RYR2: variants seen among roughly 807,000 people sequenced by gnomAD.
The protein encoded by RYR2 is cardiac muscle ryanodine receptor-calcium release channel.
Under a neutral mutation model 601.1 loss-of-function variants are expected in RYR2, and 227 were observed. That is an observed-to-expected ratio of 0.38 (90% CI 0.34 to 0.42). The LOEUF is 0.42. Ranked by LOEUF, RYR2 falls within the 10% of genes least tolerant of loss-of-function variation. The pLI is 1.00. For synonymous variants in RYR2, 2,223 were observed against 2,175.1 expected (o/e 1.02, Z -0.61); for missense variants, 4,646 against 6,156.5 (o/e 0.75, Z 8.21).
intron 29 of RYR2, among the ~76,000 whole-genome samples, chr1:237,582,923 G>GATATATATAT (rs71180101): frequency 0.29 from 38,361 of 132,614 alleles, 6,036 homozygotes; most frequent in Non-Finnish European, 0.37. Flanking sequence ...TTTTCTTTTG[G>GATATATATAT]ATATATATAT....
chr1:237,654,467 C>T (rs1683055548), intron 52 of RYR2, 53 bp downstream of exon 52: 2 of 1,562,818 alleles, frequency 1.3e-6, no homozygotes, highest in South Asian at 1.1e-5. Flanking sequence ...TATAGAGCCA[C>T]ACATTCTTAG....
intron 2 of RYR2, among the ~76,000 whole-genome samples, chr1:237,281,450 C>T (rs1415158485): frequency 1.3e-5 from 2 of 152,186 alleles, no homozygotes; most frequent in East Asian, 3.9e-4. Context: ...AAGAGATCTC[C>T]ATTAATTATA....
chr1:237,708,579 G>C (rs1281499851), intron 68 of RYR2, among the ~76,000 whole-genome samples: 3 of 152,168 alleles, frequency 2.0e-5, no homozygotes, highest in Non-Finnish European at 4.4e-5. Context: ...GTGTGAAAAT[G>C]ATTTCCAAAA....
At chr1:237,509,907 T>C (rs1337451722) in intron 23 of RYR2, among the ~76,000 whole-genome samples, 2 of 152,160 alleles carry the variant, frequency 1.3e-5, no homozygotes, top group African/African-American at 2.4e-5. Flanking sequence ...AGACAGGACA[T>C]TAGCCATGAC....
chr1:237,678,496 C>T (rs184608471), intron 61 of RYR2, among the ~76,000 whole-genome samples: 1 of 152,132 alleles, frequency 6.6e-6, no homozygotes, highest in African/African-American at 2.4e-5. Context: ...CATAAATAGG[C>T]ACATTATAAG....
intron 1 of RYR2, among the ~76,000 whole-genome samples, chr1:237,107,979 C>T (rs540335497): frequency 6.6e-6 from 1 of 152,154 alleles, no homozygotes; most frequent in South Asian, 2.1e-4. Context: ...TAAAAAGGTT[C>T]CGGTCCTGAG....
intron 2 of RYR2, among the ~76,000 whole-genome samples, chr1:237,299,725 T>A (rs1693166141): frequency 6.6e-6 from 1 of 152,158 alleles, no homozygotes; most frequent in East Asian, 1.9e-4. Flanking sequence ...TTTAATATCC[T>A]CCTAGGGGCT....
intron 74 of RYR2, among the ~76,000 whole-genome samples, chr1:237,725,489 C>G (rs1041072263): frequency 1.3e-5 from 2 of 151,980 alleles, no homozygotes; most frequent in Non-Finnish European, 2.9e-5. Flanking sequence ...TATCAGCAGC[C>G]TGTTTTAGAT....
At chr1:237,120,148 A>G (rs1037285056) in intron 1 of RYR2, among the ~76,000 whole-genome samples, 1 of 152,198 alleles carries the variant, frequency 6.6e-6, no homozygotes, top group African/African-American at 2.4e-5. Flanking sequence ...TTCATTATCT[A>G]TAAAATGGTT....
In RYR2 at chr1:237,649,937, T is replaced by A; in HGVS notation, c.7573T>A (p.Leu2525Met). 6.2e-7 allele frequency: 1 copy of A among 1,614,024 alleles called. No individual in the cohort carries two copies. The highest frequency in any genetic ancestry group is 1.3e-5 in the African/African-American group (1 of 75,056). The change falls in exon 50 of 105, where the codon TTG becomes ATG. Residue 2525 changes from leucine to methionine, a missense_variant. This residue lies in a region of RYR2 where 1,497 missense variants were observed against 1,842.6 expected (regional missense o/e 0.81). Transcript: ENST00000366574. The part of the protein sequence containing the change: ...ALNRYLCTAV[L>M]PLLTRCAPLF... Reference sequence around the variant, plus strand: ...CAATCGGTACCTTTGCACAGCCGTCTTGCCATTGTTAACAAGATGTGCTCC... The same window carrying A: ...CAATCGGTACCTTTGCACAGCCGTCATGCCATTGTTAACAAGATGTGCTCC...
At chr1:237,125,806 GA>G (rs1361367768) in intron 1 of RYR2, among the ~76,000 whole-genome samples, 1 of 152,110 alleles carries the variant, frequency 6.6e-6, no homozygotes, top group African/African-American at 2.4e-5. Flanking sequence ...ACTTATAAAT[GA>G]AAATATCCAT....
intron 16 of RYR2, among the ~76,000 whole-genome samples, chr1:237,465,691 A>G (rs561913041): frequency 2.6e-5 from 4 of 152,262 alleles, no homozygotes; most frequent in East Asian, 3.9e-4. Context: ...GCTACGCTAT[A>G]CTGGATGGCC....
chr1:237,174,822 G>T (rs1558368887), intron 1 of RYR2, among the ~76,000 whole-genome samples: 1 of 152,148 alleles, frequency 6.6e-6, no homozygotes, highest in South Asian at 2.1e-4. Flanking sequence ...AATAGTATTT[G>T]TCAAGTATTT....
At chr1:237,574,784 T>A (rs2148321704) in intron 29 of RYR2, among the ~76,000 whole-genome samples, 1 of 152,082 alleles carries the variant, frequency 6.6e-6, no homozygotes, top group East Asian at 1.9e-4. Flanking sequence ...CCAAATTCCA[T>A]CAATAACCAG....
At chr1:237,228,330 A>G (rs1007026169) in intron 1 of RYR2, among the ~76,000 whole-genome samples, 5 of 152,160 alleles carry the variant, frequency 3.3e-5, no homozygotes, top group African/African-American at 1.2e-4. Context: ...GCTGAGATGT[A>G]TTCCATCATA....
At chr1:237,218,769 A>G (rs1683459803) in intron 1 of RYR2, among the ~76,000 whole-genome samples, 1 of 152,054 alleles carries the variant, frequency 6.6e-6, no homozygotes, top group Non-Finnish European at 1.5e-5. Flanking sequence ...CTCCCCTCAT[A>G]CAGTCAAGGT....
intron 74 of RYR2, among the ~76,000 whole-genome samples, chr1:237,724,705 A>G (rs919163835): frequency 3.9e-5 from 6 of 151,924 alleles, no homozygotes; most frequent in Non-Finnish European, 8.8e-5. Context: ...ATAGAGTTTT[A>G]TCTCCAGAAT....
At chr1:237,695,924 T>C (rs1687384030) in intron 63 of RYR2, among the ~76,000 whole-genome samples, 1 of 152,176 alleles carries the variant, frequency 6.6e-6, no homozygotes, top group African/African-American at 2.4e-5. Context: ...CCTTTAGCAA[T>C]CACAGAAATT....
At position 237,270,495 on chromosome 1, in the gene RYR2, A is replaced by C; in HGVS notation, c.49-2A>C. ...TTTCCCTCTCTTTCTCCCCCTTTGC[A>C]GGATGATGAAGTGGTTCTGCAGTGC... On this transcript the variant is annotated splice_acceptor_variant, in intron 1 of 104. Transcript: ENST00000366574. LOFTEE classifies it high-confidence loss of function. 1 of 1,574,520 alleles carries C rather than the reference A, an allele frequency of 6.4e-7. No individual in the cohort carries two copies. The highest frequency in any genetic ancestry group is 8.6e-7 in the Non-Finnish European group (1 of 1,159,072).
Sources: gnomAD v4.1 joint callset for allele counts (sites outside exome capture counted in the v4.1 genomes callset) on GRCh38, gnomAD v4.1.1 for gene constraint, gnomAD v4.1.1 regional missense constraint, MANE v1.5 for transcripts, NCBI Gene and HGNC (gene_info 2026-07-23, HGNC 2026-07-21) for gene names.